The following CNTNAP4 variants were observed in gnomAD, a reference collection of about 807,000 sequenced individuals.
CNTNAP4 encodes the protein contactin-associated protein-like 4.
A neutral mutation model predicts 148.4 loss-of-function variants in CNTNAP4; 98 were observed. The ratio of observed to expected loss-of-function variants is 0.66; its 90% CI spans 0.56 to 0.78. The LOEUF (loss-of-function observed/expected upper bound fraction) is 0.78, where lower values mean the gene tolerates loss of function less well. CNTNAP4 is among the 30% of genes least tolerant of loss of function. The pLI is 0.00. For synonymous variants in CNTNAP4, 730 were observed against 565.1 expected, an observed-to-expected ratio of 1.29 and a Z score of -4.14; for missense variants, 1,935 against 1,565.6, an observed-to-expected ratio of 1.24 and a Z score of -3.98.
chr16:76,521,068 T>C, intron 15 of CNTNAP4, 72 bp from the exon 16 acceptor site: 2 of 1,354,166 alleles, frequency 1.5e-6, no homozygotes, highest in Non-Finnish European at 2.0e-6. Context: ...GAACATGTAA[T>C]TGTCATTCAT....
At position 76,558,793 on chromosome 16, in the gene CNTNAP4, G is replaced by A. The variant is rs190646925; in HGVS notation, c.*110G>A. On this transcript the variant is annotated 3_prime_UTR_variant, in exon 24 of 24. Transcript: ENST00000611870. Reference sequence around the variant, plus strand: ...TGAATGTACAGGCAGTGGGCTTGCAGCACTGCCATCTTGCCATGTACAGGC... The same window carrying A: ...TGAATGTACAGGCAGTGGGCTTGCAACACTGCCATCTTGCCATGTACAGGC... 7.4e-4 allele frequency: 580 copies of A among 780,974 alleles called. No homozygotes were observed. Among genetic ancestry groups the A allele is most frequent in the Admixed American group, 1.5e-3 (49 of 32,242 alleles). 48.4% of individuals were successfully genotyped at this position (780,974 alleles called of 1,614,324 possible). A position where few individuals can be genotyped will look rare whatever the true frequency, so the allele number is the denominator to read the frequency against.
At chr16:76,493,731 C>T (rs148125224) in intron 13 of CNTNAP4, among the ~76,000 whole-genome samples, 71 of 152,232 alleles carry the variant, frequency 4.7e-4, no homozygotes, top group South Asian at 2.3e-3. Context: ...TAAAAAAAGA[C>T]GAAGATTCTT....
In CNTNAP4 at chr16:76,510,187, C is replaced by CTT. The variant is rs139189170; in HGVS notation, c.2366-10944_2366-10943dup. Among the ~76,000 whole-genome samples the CTT allele has an allele frequency of 5.4e-3, 800 of 147,136 alleles. 6 individuals carry two copies. Among genetic ancestry groups the CTT allele is most frequent in the African/African-American group, 0.015 (628 of 40,526 alleles). On this transcript the variant is annotated intron_variant, in intron 15 of 23. Coordinates refer to ENST00000611870, the MANE Select transcript of CNTNAP4 (RefSeq NM_033401.5). ...CCAGCCCTAAGCAACCAGTAACCTG[C>CTT]TTTTTTTTTTCTACAGACTTGCATA...
chr16:76,355,327 G>A lies in CNTNAP4; in HGVS notation c.206G>A (p.Gly69Asp). 1 of 1,536,248 alleles carries A rather than the reference G, an allele frequency of 6.5e-7. No individual in the cohort carries two copies. The highest frequency in any genetic ancestry group is 8.8e-7 in the Non-Finnish European group (1 of 1,142,084). The change falls in exon 3 of 24, where the codon GGC becomes GAC. Residue 69 changes from glycine to aspartate, a missense_variant. Physicochemically the swap from Gly to Asp is moderately conservative, Grantham distance 94 (BLOSUM62 -1). Transcript: ENST00000611870. Reference protein sequence around the residue: ...ARLNRRDGAGGWSPLVSNKYQ... With the variant: ...ARLNRRDGAGDWSPLVSNKYQ... ...CTATTTTTAATAAAAGGAGCTGGTG[G>A]CTGGTCTCCACTTGTGTCTAACAAA...
chr16:76,503,052 G>C (rs2082713014), intron 15 of CNTNAP4, among the ~76,000 whole-genome samples: 1 of 152,088 alleles, frequency 6.6e-6, no homozygotes, highest in Non-Finnish European at 1.5e-5. Flanking sequence ...TTTTACTGCT[G>C]CTATTATTGT....
intron 3 of CNTNAP4, among the ~76,000 whole-genome samples, chr16:76,390,501 G>C (rs1033925518): frequency 5.3e-5 from 8 of 151,804 alleles, no homozygotes; most frequent in African/African-American, 1.9e-4. Context: ...TGTCTCATCA[G>C]GCGTTCACAG....
intron 1 of CNTNAP4, among the ~76,000 whole-genome samples, chr16:76,288,281 C>T (rs1958970574): frequency 6.6e-6 from 1 of 152,076 alleles, no homozygotes; most frequent in Non-Finnish European, 1.5e-5. Flanking sequence ...TCTAGCCATG[C>T]AGAACAGTGA....
chr16:76,475,881 C>T, intron 10 of CNTNAP4, 58 bp from the exon 11 acceptor site: 1 of 1,187,214 alleles, frequency 8.4e-7, no homozygotes, highest in Non-Finnish European at 1.2e-6. Flanking sequence ...TATAAATGGT[C>T]AATACTTTAA....
At position 76,467,443 on chromosome 16, in the gene CNTNAP4, G is replaced by A. The variant is rs754876396; in HGVS notation, c.1575G>A (p.Val525=). 38 of 1,613,808 alleles carry A rather than the reference G, an allele frequency of 2.4e-5. No homozygotes were observed. The highest frequency in any genetic ancestry group is 3.2e-5 in the Non-Finnish European group (38 of 1,179,832). Residue 525 remains valine (V), a synonymous_variant, in exon 10 of 24, where the codon GTG becomes GTA. Transcript: ENST00000611870. ...CMRLISISGK[V]VDLISVQQGS... is the part of the protein sequence containing the mutation. ...GGCTCATTTCTATCAGCGGCAAAGT[G>A]GTAGATCTGATTTCAGTTCAGCAGG...
intron 15 of CNTNAP4, among the ~76,000 whole-genome samples, chr16:76,500,679 G>C (rs575650404): frequency 6.7e-6 from 1 of 150,214 alleles, no homozygotes; most frequent in Admixed American, 6.6e-5. Context: ...GGTGCATGCT[G>C]TTTTGCATAT....
intron 3 of CNTNAP4, among the ~76,000 whole-genome samples, chr16:76,397,945 CATATAT>C (rs71134756): frequency 2.5e-4 from 6 of 24,124 alleles, no homozygotes; most frequent in African/African-American, 1.4e-3. Context: ...AGATTATATA[CATATAT>C]ATATATATAT....
intron 15 of CNTNAP4, among the ~76,000 whole-genome samples, chr16:76,513,282 A>G (rs1204547762): frequency 2.0e-5 from 3 of 152,154 alleles, no homozygotes; most frequent in Non-Finnish European, 4.4e-5. Context: ...TTACTAGAAA[A>G]GTTAAAGAAT....
intron 13 of CNTNAP4, among the ~76,000 whole-genome samples, chr16:76,491,820 G>C (rs1334872495): frequency 6.6e-6 from 1 of 151,414 alleles, no homozygotes; most frequent in Non-Finnish European, 1.5e-5. Context: ...CAAATGGCAG[G>C]ACTTCCTTCT....
rs2085298436 is a variant in CNTNAP4 at position 76,558,718 on chromosome 16, T to C, written c.*35T>C. 6.7e-7 allele frequency: 1 copy of C among 1,498,644 alleles called. No homozygotes were observed. The highest frequency in any genetic ancestry group is 2.3e-5 in the East Asian group (1 of 43,212). 92.8% of individuals were successfully genotyped at this position (1,498,644 alleles called of 1,614,324 possible). A position where few individuals can be genotyped will look rare whatever the true frequency, so the allele number is the denominator to read the frequency against. ...ATGATTTAACATAAAATTATGATAG[T>C]TTGTTTTAATAGCCAGGGGTTCTCA... On this transcript the variant is annotated 3_prime_UTR_variant, in exon 24 of 24. Transcript: ENST00000611870.
intron 4 of CNTNAP4, among the ~76,000 whole-genome samples, chr16:76,436,333 C>T (rs1223702224): frequency 2.6e-5 from 4 of 152,124 alleles, no homozygotes; most frequent in Non-Finnish European, 5.9e-5. Context: ...TCAGGGTCCT[C>T]CCGCACATCC....
intron 3 of CNTNAP4, among the ~76,000 whole-genome samples, chr16:76,403,512 G>C (rs2078493381): frequency 1.3e-5 from 2 of 152,168 alleles, no homozygotes; most frequent in South Asian, 4.1e-4. Flanking sequence ...TCTCACACAA[G>C]TCAGAATGGC....
intron 21 of CNTNAP4, among the ~76,000 whole-genome samples, chr16:76,547,501 A>T (rs1361628145): frequency 6.6e-6 from 1 of 152,190 alleles, no homozygotes; most frequent in Non-Finnish European, 1.5e-5. Flanking sequence ...TGTGTTGATA[A>T]TTCATGGTGG....
At chr16:76,278,046 CGGG>C (rs760093805) in intron 1 of CNTNAP4, among the ~76,000 whole-genome samples, 1 of 152,124 alleles carries the variant, frequency 6.6e-6, no homozygotes, top group African/African-American at 2.4e-5. Context: ...AGCATCTTAT[CGGG>C]GGAATAGCCT....
At chr16:76,460,623 C>T (rs1162874523) in intron 8 of CNTNAP4, among the ~76,000 whole-genome samples, 1 of 147,494 alleles carries the variant, frequency 6.8e-6, no homozygotes, top group Admixed American at 6.7e-5. Flanking sequence ...ATTAGCCAGG[C>T]GTGGTGGCAA....
Sources: allele counts gnomAD v4.1 joint callset (sites outside exome capture counted in the v4.1 genomes callset), GRCh38; gene constraint gnomAD v4.1.1; transcripts MANE v1.5; gene names NCBI Gene and HGNC (gene_info 2026-07-23, HGNC 2026-07-21).